The following ADGRF3 variants were observed in gnomAD, a reference collection of about 807,000 sequenced individuals.
The protein encoded by ADGRF3 is G protein-coupled receptor 113.
A neutral mutation model predicts 93.2 loss-of-function variants in ADGRF3; 85 were observed. The ratio of observed to expected loss-of-function variants is 0.91; its 90% CI spans 0.77 to 1.09. The LOEUF is 1.09. Among genes scored for constraint, ADGRF3 ranks in the 50% least tolerant of loss-of-function variants. The pLI is 0.00. For missense variants in ADGRF3, 1,125 were observed against 1,246.2 expected (o/e 0.90, Z 1.46); for synonymous variants, 534 against 532.5 (o/e 1.00, Z -0.04).
At chr2:26,332,464 G>A (rs935739117) in intron 1 of ADGRF3, among the ~76,000 whole-genome samples, 1 of 152,206 alleles carries the variant, frequency 6.6e-6, no homozygotes, top group Non-Finnish European at 1.5e-5. Context: ...ATTAGGCCAG[G>A]CATGGTGGCT....
In ADGRF3 at chr2:26,315,725, T is replaced by C. The variant is rs1674591205; in HGVS notation, c.515A>G (p.Asn172Ser). The C allele has an allele frequency of 2.6e-6, 4 of 1,551,210 alleles. No individual in the cohort carries two copies. The highest frequency in any genetic ancestry group is 2.6e-6 in the Non-Finnish European group (3 of 1,146,880). The change falls in exon 5 of 14, where the codon AAC becomes AGC. Residue 172 changes from asparagine to serine, a missense_variant. Physicochemically the swap from Asn to Ser is conservative, Grantham distance 46. Coordinates refer to ENST00000651242, the MANE Select transcript of ADGRF3 (RefSeq NM_001321971.2). ...QLLPPVPGIL[N>S]LNSQLQMPGD... The stretch of plus-strand genomic sequence containing the variant: ...AGGCATCTGCAGCTGGGAGTTCAGG[T>C]TGAGGATCCCGGGGACTGCAGGGAG...
intron 5 of ADGRF3, 48 bp downstream of exon 5, chr2:26,315,474 G>C: frequency 6.5e-7 from 1 of 1,526,950 alleles, no homozygotes; most frequent in Non-Finnish European, 8.9e-7. Context: ...AGGATGAAGG[G>C]AAGTAAGAGG....
chr2:26,315,887 G>GTCCCT, intron 4 of ADGRF3, 147 bp from the exon 5 acceptor site: 1 of 1,227,770 alleles, frequency 8.1e-7, no homozygotes, highest in Non-Finnish European at 1.1e-6. Context: ...GTCCCTGGGT[G>GTCCCT]GGCACCTGAA....
chr2:26,341,544 CAT>C (rs948271613), intron 1 of ADGRF3, among the ~76,000 whole-genome samples: 63 of 152,308 alleles, frequency 4.1e-4, no homozygotes, highest in Admixed American at 1.3e-4. Context: ...ATGACCCACT[CAT>C]ACAGTTCCCT....
Position 26,311,195 on chromosome 2 carries a change from C to T in ADGRF3, c.2329G>A (p.Ala777Thr), listed in dbSNP as rs375056876. The T allele has an allele frequency of 2.6e-5, 42 of 1,600,162 alleles. No individual in the cohort carries two copies. In the African/African-American group the frequency reaches 3.6e-4, roughly 14 times the overall value. ...GPRSPLCLAAAFLCHFLYLAT... is the reference protein window; with the variant it reads ...GPRSPLCLAATFLCHFLYLAT... ...AGGTAGAGGAAATGACAGAGGAAGGCGGCAGCAAGGCAGAGCGGGCTTCGG... is the reference window on the plus strand; with the variant it reads ...AGGTAGAGGAAATGACAGAGGAAGGTGGCAGCAAGGCAGAGCGGGCTTCGG... Residue 777 changes from alanine (A) to threonine (T), a missense_variant, in exon 10 of 14, where the codon GCC (alanine) becomes ACC (threonine). Ala to Thr is a moderately conservative substitution (Grantham distance 58). Coordinates refer to ENST00000651242, the MANE Select transcript of ADGRF3 (RefSeq NM_001321971.2).
intron 13 of ADGRF3, 181 bp downstream of exon 13, chr2:26,309,345 A>G: frequency 6.8e-7 from 1 of 1,479,526 alleles, no homozygotes; most frequent in South Asian, 1.4e-5. Context: ...GCTCTCTGAC[A>G]TTTCCACCGT....
At chr2:26,314,947 A>G (rs1446315791) in intron 5 of ADGRF3, 2 of 317,198 alleles carry the variant, frequency 6.3e-6, no homozygotes, top group African/African-American at 4.2e-5. Flanking sequence ...AGACATTGAG[A>G]CGGTATTCTC....
Position 26,310,979 on chromosome 2 carries a change from A to T in ADGRF3, c.2545T>A (p.Cys849Ser). ...GCCCCTCCCTTCCCATCCAACCAGC[A>T]TTCCCCCTCCCTCAGGTATTGCCCT... ...PQGQYLREGE[C>S]WLDGKGGALY... The change falls in exon 10 of 14, where the codon TGC becomes AGC. Residue 849 changes from cysteine (C) to serine (S), a missense_variant. By Grantham distance (112) the Cys-to-Ser change is moderately radical. Transcript: ENST00000651242. The T allele has an allele frequency of 6.2e-7, 1 of 1,613,738 alleles. No individual in the cohort carries two copies. The highest frequency in any genetic ancestry group is 8.5e-7 in the Non-Finnish European group (1 of 1,179,834).
intron 1 of ADGRF3, among the ~76,000 whole-genome samples, chr2:26,325,998 C>G (rs1675414124): frequency 1.3e-5 from 2 of 152,132 alleles, no homozygotes; most frequent in African/African-American, 4.8e-5. Context: ...GAAAGAAGAA[C>G]AATTTTCTCT....
At chr2:26,336,625 C>T (rs1376483172) in intron 1 of ADGRF3, among the ~76,000 whole-genome samples, 1 of 142,940 alleles carries the variant, frequency 7.0e-6, no homozygotes, top group Non-Finnish European at 1.5e-5. Flanking sequence ...ACTCTGGAGG[C>T]TGAGGTAGGA....
chr2:26,333,661 A>G (rs1488368975), intron 1 of ADGRF3, among the ~76,000 whole-genome samples: 1 of 152,040 alleles, frequency 6.6e-6, no homozygotes, highest in African/African-American at 2.4e-5. Flanking sequence ...TGTGGCAACC[A>G]GTGGTTATGG....
At chr2:26,335,949 G>A (rs1432075960) in intron 1 of ADGRF3, among the ~76,000 whole-genome samples, 4 of 152,134 alleles carry the variant, frequency 2.6e-5, no homozygotes, top group Non-Finnish European at 4.4e-5. Flanking sequence ...TTCCTTCACA[G>A]TACAACTTAA....
chr2:26,327,888 G>T (rs757322121), intron 1 of ADGRF3, among the ~76,000 whole-genome samples: 1 of 151,716 alleles, frequency 6.6e-6, no homozygotes, highest in African/African-American at 2.4e-5. Flanking sequence ...AACACAAAAC[G>T]GACTCAGAGT....
chr2:26,320,453 A>G (rs1396416768), intron 1 of ADGRF3, among the ~76,000 whole-genome samples: 1 of 152,172 alleles, frequency 6.6e-6, no homozygotes, highest in Non-Finnish European at 1.5e-5. Context: ...CTGAAATTGC[A>G]CCATTGCACT....
intron 1 of ADGRF3, among the ~76,000 whole-genome samples, chr2:26,342,422 G>A (rs1221088442): frequency 6.6e-6 from 1 of 151,782 alleles, no homozygotes. Context: ...AACTTATATT[G>A]GAGTTATTAA....
At chr2:26,322,982 A>C (rs1675240593) in intron 1 of ADGRF3, among the ~76,000 whole-genome samples, 1 of 151,754 alleles carries the variant, frequency 6.6e-6, no homozygotes, top group Non-Finnish European at 1.5e-5. Context: ...CTAAAAATAC[A>C]AAAAAAATTA....
chr2:26,321,918 A>G (rs1213524345), intron 1 of ADGRF3, among the ~76,000 whole-genome samples: 1 of 149,480 alleles, frequency 6.7e-6, no homozygotes, highest in Non-Finnish European at 1.5e-5. Context: ...GGTTGCAGTG[A>G]GCTGAGATCG....
In ADGRF3 at chr2:26,329,337, T is replaced by G. The variant is rs552070696; in HGVS notation, c.115-11775A>C. Among the ~76,000 whole-genome samples the G allele has an allele frequency of 2.0e-5, 3 of 152,362 alleles. 1 individual carries two copies. In the South Asian group the frequency reaches 6.2e-4, roughly 32 times the overall value. On this transcript the variant is annotated intron_variant, in intron 1 of 13. Coordinates refer to ENST00000651242, the MANE Select transcript of ADGRF3 (RefSeq NM_001321971.2). ...TTGTAGAGATGGGGTCTCACTATGT[T>G]GCCCAGGCTGGTCTCAAACTCCTGG...
At chr2:26,345,817 C>A in intron 1 of ADGRF3, 1 of 402,364 alleles carries the variant, frequency 2.5e-6, no homozygotes. Context: ...ATCCCACCTT[C>A]CCCCGGGACC....
Sources: allele counts gnomAD v4.1 joint callset (sites outside exome capture counted in the v4.1 genomes callset), GRCh38; gene constraint gnomAD v4.1.1; transcripts MANE v1.5; gene names NCBI Gene and HGNC (gene_info 2026-07-23, HGNC 2026-07-21).